SLC9C1: variants seen among roughly 807,000 people sequenced by gnomAD.
The protein encoded by SLC9C1 is sodium/hydrogen exchanger 10.
In SLC9C1, 97 loss-of-function variants were observed where a neutral mutation model predicts 140.9. The observed-to-expected ratio is 0.69, with a 90% CI of 0.58 to 0.82. The LOEUF (loss-of-function observed/expected upper bound fraction) is 0.82. Among genes scored for constraint, SLC9C1 ranks in the 40% least tolerant of loss-of-function variants. SLC9C1 has a pLI of 0.00. For missense variants in SLC9C1, 1,340 were observed against 1,389.3 expected (o/e 0.96, Z 0.56); for synonymous variants, 440 against 442.6 (o/e 0.99, Z 0.07).
intron 2 of SLC9C1, among the ~76,000 whole-genome samples, chr3:112,284,151 C>A (rs1276054791): frequency 6.6e-6 from 1 of 152,156 alleles, no homozygotes; most frequent in Non-Finnish European, 1.5e-5. Context: ...TAGGTTGAGA[C>A]CCAGACCTGC....
chr3:112,214,463 C>T (rs905542904), intron 15 of SLC9C1, among the ~76,000 whole-genome samples: 6 of 151,784 alleles, frequency 4.0e-5, no homozygotes, highest in Non-Finnish European at 7.4e-5. Flanking sequence ...AGACCACTAG[C>T]AAGACTAATA....
intron 23 of SLC9C1, 106 bp from the exon 24 acceptor site, chr3:112,169,434 T>C (rs2077204304): frequency 1.9e-6 from 2 of 1,068,900 alleles, no homozygotes; most frequent in Middle Eastern, 3.1e-4. Context: ...TTTAATTAGG[T>C]AAGATTCACA....
intron 20 of SLC9C1, among the ~76,000 whole-genome samples, chr3:112,198,351 A>T (rs2077818730): frequency 6.6e-6 from 1 of 151,936 alleles, no homozygotes; most frequent in Non-Finnish European, 1.5e-5. Flanking sequence ...TAAGATTTTA[A>T]TCAGTCAACA....
intron 17 of SLC9C1, among the ~76,000 whole-genome samples, chr3:112,203,760 T>C (rs1375458866): frequency 6.6e-5 from 10 of 151,958 alleles, no homozygotes; most frequent in Non-Finnish European, 1.5e-5. Context: ...TATTAGACAA[T>C]CAAAGGTTAT....
intron 14 of SLC9C1, among the ~76,000 whole-genome samples, chr3:112,218,598 A>G (rs2078453779): frequency 6.6e-6 from 1 of 152,220 alleles, no homozygotes; most frequent in Admixed American, 6.5e-5. Context: ...TTTATTCAAC[A>G]TCTGCTATTG....
intron 6 of SLC9C1, among the ~76,000 whole-genome samples, chr3:112,272,548 G>A (rs2080105264): frequency 6.6e-6 from 1 of 152,150 alleles, no homozygotes; most frequent in Non-Finnish European, 1.5e-5. Flanking sequence ...TAGCAGTAAA[G>A]CTTATTATCT....
intron 13 of SLC9C1, among the ~76,000 whole-genome samples, chr3:112,227,374 T>A (rs962709358): frequency 6.6e-6 from 1 of 152,034 alleles, no homozygotes; most frequent in East Asian, 1.9e-4. Context: ...TAACAGCACA[T>A]CAAAAAGATT....
intron 20 of SLC9C1, among the ~76,000 whole-genome samples, chr3:112,188,685 G>A (rs2107985020): frequency 6.6e-6 from 1 of 152,230 alleles, no homozygotes; most frequent in Middle Eastern, 3.4e-3. Context: ...GAATAGTGTT[G>A]CAATGAACAT....
At chr3:112,217,371 A>G (rs2078409560) in intron 15 of SLC9C1, 71 bp downstream of exon 15, 2 of 1,492,310 alleles carry the variant, frequency 1.3e-6, no homozygotes, top group African/African-American at 2.8e-5. Context: ...TCAAGATACC[A>G]TTTTAAAAGA....
chr3:112,282,331 C>A (rs1307174079), intron 2 of SLC9C1, among the ~76,000 whole-genome samples: 1 of 152,062 alleles, frequency 6.6e-6, no homozygotes, highest in African/African-American at 2.4e-5. Flanking sequence ...TGGTTGAGAA[C>A]AAAGGTAATG....
chr3:112,220,455 A>G (rs915996358), intron 14 of SLC9C1, among the ~76,000 whole-genome samples: 8 of 152,176 alleles, frequency 5.3e-5, no homozygotes, highest in African/African-American at 1.9e-4. Context: ...AGACTCTGGA[A>G]ATAAGCTTAG....
At chr3:112,161,159 T>C (rs1297258469) in intron 26 of SLC9C1, among the ~76,000 whole-genome samples, 4 of 152,184 alleles carry the variant, frequency 2.6e-5, no homozygotes, top group African/African-American at 9.6e-5. Context: ...CATTGTAGAT[T>C]CTGGATATTA....
intron 12 of SLC9C1, among the ~76,000 whole-genome samples, chr3:112,232,060 A>G (rs1414320266): frequency 1.3e-5 from 2 of 152,212 alleles, no homozygotes; most frequent in Non-Finnish European, 2.9e-5. Flanking sequence ...AAAATTGATG[A>G]TATGCTCAAA....
intron 2 of SLC9C1, among the ~76,000 whole-genome samples, chr3:112,283,346 G>T (rs974370055): frequency 6.6e-6 from 1 of 152,046 alleles, no homozygotes; most frequent in African/African-American, 2.4e-5. Flanking sequence ...AATGAGGCAT[G>T]GTTGTGTGTG....
intron 6 of SLC9C1, among the ~76,000 whole-genome samples, chr3:112,272,951 G>A (rs1206097513): frequency 2.0e-5 from 3 of 151,986 alleles, no homozygotes; most frequent in Non-Finnish European, 1.5e-5. Flanking sequence ...TTCTCCCAAC[G>A]AGTACCAAAA....
chr3:112,200,788 C>A, intron 18 of SLC9C1, 26 bp from the exon 19 acceptor site: 1 of 1,581,118 alleles, frequency 6.3e-7, no homozygotes, highest in South Asian at 1.1e-5. Flanking sequence ...AATGTTATCC[C>A]CATTGGAAAA....
At chr3:112,190,967 A>ACACG (rs1376242283) in intron 20 of SLC9C1, among the ~76,000 whole-genome samples, 1 of 93,788 alleles carries the variant, frequency 1.1e-5, no homozygotes, top group African/African-American at 3.7e-5. Context: ...ACACACACAT[A>ACACG]TATATATATG....
At chr3:112,254,014 T>C (rs2079536722) in intron 10 of SLC9C1, among the ~76,000 whole-genome samples, 1 of 152,030 alleles carries the variant, frequency 6.6e-6, no homozygotes, top group East Asian at 1.9e-4. Flanking sequence ...GCTTGATCCA[T>C]GAAATAAGAC....
At chr3:112,142,601 T>C (rs2074664073) in intron 28 of SLC9C1, among the ~76,000 whole-genome samples, 1 of 152,208 alleles carries the variant, frequency 6.6e-6, no homozygotes, top group Non-Finnish European at 1.5e-5. Flanking sequence ...TATTACTTTT[T>C]TGAGGTAAAA....
Sources: allele counts gnomAD v4.1 joint callset (sites outside exome capture counted in the v4.1 genomes callset), GRCh38; gene constraint gnomAD v4.1.1; transcripts MANE v1.5; gene names NCBI Gene and HGNC (gene_info 2026-07-23, HGNC 2026-07-21).